The following CPED1 variants were observed in gnomAD, a reference collection of about 807,000 sequenced individuals.
The protein encoded by CPED1 is cadherin like and PC-esterase domain containing 1, also known as cadherin-like and PC-esterase domain-containing protein 1.
Under a neutral mutation model 128.2 loss-of-function variants are expected in CPED1, and 114 were observed. That is an observed-to-expected ratio of 0.89 (90% confidence interval 0.76 to 1.04). The LOEUF is 1.04. CPED1 is among the 50% of genes least tolerant of loss of function. CPED1 has a pLI of 0.00. For missense variants in CPED1, 1,211 were observed against 1,207.1 expected (o/e 1.00, Z -0.05); for synonymous variants, 462 against 426.7 (o/e 1.08, Z -1.02).
At chr7:121,019,415 A>T (rs182405620) in intron 3 of CPED1, among the ~76,000 whole-genome samples, 7 of 152,174 alleles carry the variant, frequency 4.6e-5, no homozygotes, top group Non-Finnish European at 8.8e-5. Flanking sequence ...TCAGTGTTTT[A>T]TCTCATGCAG....
chr7:121,099,874 T>G, intron 6 of CPED1, 52 bp from the exon 7 acceptor site: 1 of 1,567,724 alleles, frequency 6.4e-7, no homozygotes, highest in Non-Finnish European at 8.7e-7. Flanking sequence ...TTACAAATTA[T>G]GTACTCAACC....
chr7:121,004,672 A>T (rs1181036388), intron 2 of CPED1, among the ~76,000 whole-genome samples: 1 of 152,138 alleles, frequency 6.6e-6, no homozygotes, highest in Non-Finnish European at 1.5e-5. Context: ...AGAAGAATGA[A>T]AATTGAATGG....
chr7:121,168,870 C>G (rs1240145272), intron 16 of CPED1, among the ~76,000 whole-genome samples: 4 of 152,066 alleles, frequency 2.6e-5, no homozygotes, highest in African/African-American at 7.2e-5. Flanking sequence ...AGAAACAAGA[C>G]TATTTATAAA....
intron 5 of CPED1, among the ~76,000 whole-genome samples, chr7:121,071,277 C>T (rs1454194794): frequency 6.6e-6 from 1 of 152,116 alleles, no homozygotes; most frequent in Non-Finnish European, 1.5e-5. Flanking sequence ...CATTAGGATT[C>T]AGATCCCATC....
intron 3 of CPED1, among the ~76,000 whole-genome samples, chr7:121,027,458 T>A (rs1378416813): frequency 1.3e-5 from 2 of 152,050 alleles, no homozygotes; most frequent in Non-Finnish European, 2.9e-5. Flanking sequence ...AACCCACAAA[T>A]ACACTAATAA....
At chr7:121,174,301 C>G (rs79818693) in intron 16 of CPED1, among the ~76,000 whole-genome samples, 1 of 152,114 alleles carries the variant, frequency 6.6e-6, no homozygotes, top group Non-Finnish European at 1.5e-5. Flanking sequence ...TTGCTCATTC[C>G]TATGCCTAGA....
chr7:121,293,031 A>G (rs535457012), intron 22 of CPED1, among the ~76,000 whole-genome samples: 13 of 152,174 alleles, frequency 8.5e-5, no homozygotes, highest in Non-Finnish European at 1.5e-4. Context: ...TCTGTCCCTT[A>G]GCAGAGCTCT....
At chr7:121,087,297 C>G (rs1036923853) in intron 5 of CPED1, among the ~76,000 whole-genome samples, 4 of 152,180 alleles carry the variant, frequency 2.6e-5, no homozygotes, top group African/African-American at 9.6e-5. Context: ...CCCTCTAGCT[C>G]ACTAAAACAC....
chr7:121,152,076 C>T (rs1796171948), intron 16 of CPED1, among the ~76,000 whole-genome samples: 2 of 152,144 alleles, frequency 1.3e-5, no homozygotes, highest in East Asian at 1.9e-4. Flanking sequence ...TTCACCCACA[C>T]CCTTTTATAG....
chr7:121,267,116 C>T (rs1485317628), intron 20 of CPED1, 99 bp from the exon 21 acceptor site: 1 of 708,958 alleles, frequency 1.4e-6, no homozygotes, highest in Non-Finnish European at 2.4e-6. Flanking sequence ...CCAATTATCA[C>T]ATTCTGAAAG....
At chr7:121,246,410 C>T (rs959879202) in intron 18 of CPED1, among the ~76,000 whole-genome samples, 1 of 152,188 alleles carries the variant, frequency 6.6e-6, no homozygotes. Flanking sequence ...TCTCACAGTT[C>T]TGGAGGCTAC....
intron 5 of CPED1, among the ~76,000 whole-genome samples, chr7:121,067,995 T>C (rs1166144924): frequency 6.6e-6 from 1 of 152,218 alleles, no homozygotes; most frequent in Non-Finnish European, 1.5e-5. Flanking sequence ...TTTGAGTTCT[T>C]TGTAGATTCT....
At chr7:121,148,281 A>G (rs145212057) in intron 16 of CPED1, among the ~76,000 whole-genome samples, 13 of 152,316 alleles carry the variant, frequency 8.5e-5, no homozygotes, top group Non-Finnish European at 1.9e-4. Context: ...GCTATGTGCT[A>G]TAGGGGAATA....
At chr7:121,046,698 A>G (rs1793208858) in intron 3 of CPED1, among the ~76,000 whole-genome samples, 189 bp from the exon 4 acceptor site, 1 of 152,046 alleles carries the variant, frequency 6.6e-6, no homozygotes, top group Admixed American at 6.5e-5. Context: ...ATATAAAAAT[A>G]CTAGAAATTC....
intron 5 of CPED1, among the ~76,000 whole-genome samples, chr7:121,066,950 A>G (rs1019104341): frequency 2.0e-5 from 3 of 152,160 alleles, no homozygotes; most frequent in Admixed American, 2.0e-4. Flanking sequence ...TAAGTAATCT[A>G]AAGATGACTT....
In CPED1 at chr7:121,136,039, G is replaced by C. The variant is rs749010173; in HGVS notation, c.1649-1G>C. On this transcript the variant is annotated splice_acceptor_variant, in intron 13 of 22. Transcript: ENST00000310396. LOFTEE classifies it high-confidence loss of function. ...AAATTTACATTTCTTTTTTTTTTTA[G>C]CTGCAGTTCCACAAATTAAAAATGA... 6 of 1,477,104 alleles carry C rather than the reference G, an allele frequency of 4.1e-6. No homozygotes were observed. The highest frequency in any genetic ancestry group is 2.5e-5 in the East Asian group (1 of 39,522). The allele number at this position is 1,477,104 out of a possible 1,614,324, so 91.5% of individuals were successfully genotyped here. A position where few individuals can be genotyped will look rare whatever the true frequency, so the allele number is the denominator to read the frequency against.
chr7:121,226,960 C>T (rs1484904772), intron 16 of CPED1, among the ~76,000 whole-genome samples: 4 of 152,020 alleles, frequency 2.6e-5, no homozygotes, highest in Non-Finnish European at 5.9e-5. Flanking sequence ...TTCATTCCTT[C>T]AGAACAAGAT....
At chr7:121,150,570 A>T (rs1796134602) in intron 16 of CPED1, among the ~76,000 whole-genome samples, 1 of 152,058 alleles carries the variant, frequency 6.6e-6, no homozygotes, top group Non-Finnish European at 1.5e-5. Flanking sequence ...TATACCTAGT[A>T]ATGGTATTGT....
intron 16 of CPED1, among the ~76,000 whole-genome samples, chr7:121,166,053 C>T (rs987566268): frequency 6.6e-6 from 1 of 152,056 alleles, no homozygotes; most frequent in African/African-American, 2.4e-5. Flanking sequence ...TTTTTGCTCA[C>T]ATTAGAACGC....
Sources: gnomAD v4.1 joint callset for allele counts (sites outside exome capture counted in the v4.1 genomes callset) on GRCh38, gnomAD v4.1.1 for gene constraint, MANE v1.5 for transcripts, NCBI Gene and HGNC (gene_info 2026-07-23, HGNC 2026-07-21) for gene names.